Variants in DPP6 observed in about 807,000 individuals in gnomAD.
The protein encoded by DPP6 is dipeptidyl peptidase like 6, also known as A-type potassium channel modulatory protein DPP6.
In DPP6, 69 loss-of-function variants were observed where a neutral mutation model predicts 122.6. The observed-to-expected ratio is 0.56, with a 90% CI of 0.46 to 0.69. The LOEUF is 0.69. Among genes scored for constraint, DPP6 ranks in the 30% least tolerant of loss-of-function variants. The probability of loss-of-function intolerance (pLI) is 0.00; values close to 1 mark genes in which losing one functional copy is unlikely to be tolerated. For synonymous variants in DPP6, 418 were observed against 433.1 expected (o/e 0.97, Z 0.43); for missense variants, 928 against 1,116.9 (o/e 0.83, Z 2.41).
chr7:153,913,460 G>A (rs1800174111), intron 1 of DPP6, among the ~76,000 whole-genome samples: 1 of 152,138 alleles, frequency 6.6e-6, no homozygotes, highest in Non-Finnish European at 1.5e-5. Context: ...TCTGTAAGCT[G>A]CATTTAAGTA....
chr7:153,966,651 G>A (rs1351979395), intron 1 of DPP6, among the ~76,000 whole-genome samples: 3 of 143,880 alleles, frequency 2.1e-5, no homozygotes, highest in South Asian at 2.3e-4. Context: ...TGTGCACAAC[G>A]TGCAGGTTTG....
At chr7:154,864,663 G>C (rs929211550) in intron 17 of DPP6, among the ~76,000 whole-genome samples, 4 of 152,234 alleles carry the variant, frequency 2.6e-5, no homozygotes, top group Non-Finnish European at 4.4e-5. Context: ...TCAGCTCTCT[G>C]CTGATAAAAC....
At chr7:154,390,478 T>C in intron 1 of DPP6, among the ~76,000 whole-genome samples, 1 of 152,014 alleles carries the variant, frequency 6.6e-6, no homozygotes, top group Non-Finnish European at 1.5e-5. Context: ...TTGAGTGAGA[T>C]TGGAAGGTGT....
At chr7:154,665,894 A>G (rs541872001) in intron 6 of DPP6, among the ~76,000 whole-genome samples, 3 of 151,948 alleles carry the variant, frequency 2.0e-5, no homozygotes, top group Non-Finnish European at 4.4e-5. Context: ...CATTATCTCC[A>G]ATATATTTAC....
intron 1 of DPP6, among the ~76,000 whole-genome samples, chr7:154,107,918 C>T (rs1171968333): frequency 6.6e-6 from 1 of 152,162 alleles, no homozygotes; most frequent in Non-Finnish European, 1.5e-5. Context: ...CTGTCAGGGC[C>T]ACCTGGAGCT....
At chr7:153,900,990 T>A (rs1449279608) in intron 1 of DPP6, among the ~76,000 whole-genome samples, 6 of 152,176 alleles carry the variant, frequency 3.9e-5, no homozygotes, top group African/African-American at 1.4e-4. Context: ...AATTGGGTAT[T>A]TTCATACTTT....
At chr7:154,503,940 T>C (rs1171801120) in intron 3 of DPP6, among the ~76,000 whole-genome samples, 2 of 152,188 alleles carry the variant, frequency 1.3e-5, no homozygotes, top group Non-Finnish European at 2.9e-5. Context: ...CCTGCACATG[T>C]ACCCTGAAAC....
intron 1 of DPP6, among the ~76,000 whole-genome samples, chr7:154,120,256 T>C (rs895269502): frequency 2.0e-5 from 3 of 151,990 alleles, no homozygotes; most frequent in African/African-American, 7.2e-5. Flanking sequence ...TCTTTTTTTT[T>C]TTTTCTGAGA....
chr7:153,864,005 C>T, the DPP6 span, among the ~76,000 whole-genome samples: 2 of 152,140 alleles, frequency 1.3e-5, no homozygotes, highest in Non-Finnish European at 2.9e-5. Flanking sequence ...GCTACTTACC[C>T]TTTTTGACTA....
At chr7:154,000,869 C>T (rs531994328) in intron 1 of DPP6, among the ~76,000 whole-genome samples, 1 of 152,318 alleles carries the variant, frequency 6.6e-6, no homozygotes, top group African/African-American at 2.4e-5. Flanking sequence ...CACTGACGGA[C>T]TCCAGGCTTT....
intron 1 of DPP6, among the ~76,000 whole-genome samples, chr7:154,316,926 T>C (rs986725230): frequency 6.6e-6 from 1 of 152,062 alleles, no homozygotes; most frequent in Non-Finnish European, 1.5e-5. Context: ...GTAGGCAGCG[T>C]TGGACAAGTT....
At chr7:154,557,960 T>C (rs911630640) in intron 4 of DPP6, among the ~76,000 whole-genome samples, 1 of 152,150 alleles carries the variant, frequency 6.6e-6, no homozygotes, top group Non-Finnish European at 1.5e-5. Context: ...TTATTATTAT[T>C]ATTATACTTT....
At chr7:154,629,796 C>T (rs566861549) in intron 5 of DPP6, among the ~76,000 whole-genome samples, 12 of 152,214 alleles carry the variant, frequency 7.9e-5, no homozygotes, top group Middle Eastern at 3.2e-3. Flanking sequence ...CATCCTCATA[C>T]ATGCTCTAAG....
intron 1 of DPP6, among the ~76,000 whole-genome samples, chr7:153,926,120 G>C (rs1446775489): frequency 2.0e-5 from 3 of 152,208 alleles, no homozygotes; most frequent in Non-Finnish European, 2.9e-5. Flanking sequence ...GGGCACCTGA[G>C]TCATTCTTCT....
chr7:153,764,034 T>C, the DPP6 span, among the ~76,000 whole-genome samples: 12 of 152,212 alleles, frequency 7.9e-5, no homozygotes, highest in Non-Finnish European at 1.5e-4. Flanking sequence ...GCTGTCCCTT[T>C]AGAACAAAAC....
At chr7:154,431,451 CTTTTCT>C (rs1289688580) in intron 1 of DPP6, among the ~76,000 whole-genome samples, 6 of 14,976 alleles carry the variant, frequency 4.0e-4, no homozygotes, top group Non-Finnish European at 7.3e-4. Flanking sequence ...CCTTTCTTTT[CTTTTCT>C]TTTCTTTTCT....
At chr7:153,993,280 C>T (rs1284650178) in intron 1 of DPP6, among the ~76,000 whole-genome samples, 3 of 152,202 alleles carry the variant, frequency 2.0e-5, no homozygotes, top group Non-Finnish European at 4.4e-5. Context: ...AGCAATAGAT[C>T]TAGCACCCAG....
At chr7:154,011,843 G>A (rs1798168747) in intron 1 of DPP6, among the ~76,000 whole-genome samples, 2 of 152,164 alleles carry the variant, frequency 1.3e-5, no homozygotes, top group South Asian at 4.1e-4. Context: ...TTTCACAGAC[G>A]AGAAAATGAG....
chr7:154,216,585 G>A (rs924265737), intron 1 of DPP6, among the ~76,000 whole-genome samples: 15 of 152,144 alleles, frequency 9.9e-5, no homozygotes, highest in Non-Finnish European at 1.8e-4. Flanking sequence ...TCCATAAGGA[G>A]GTTGGAGGGT....
Sources: allele counts gnomAD v4.1 joint callset (sites outside exome capture counted in the v4.1 genomes callset), GRCh38; gene constraint gnomAD v4.1.1; transcripts MANE v1.5; gene names NCBI Gene and HGNC (gene_info 2026-07-23, HGNC 2026-07-21).